FLRT2: variants seen among roughly 807,000 people sequenced by gnomAD.
FLRT2 encodes fibronectin leucine rich transmembrane protein 2, also known as leucine-rich repeat transmembrane protein FLRT2.
Under a neutral mutation model 40.0 loss-of-function variants are expected in FLRT2, and 15 were observed. That is an observed-to-expected ratio of 0.38 (90% CI 0.25 to 0.58). The LOEUF is 0.58. FLRT2 is among the 20% of genes least tolerant of loss of function. The probability of loss-of-function intolerance (pLI) is 0.71; values close to 1 mark genes in which losing one functional copy is unlikely to be tolerated. For missense variants in FLRT2, 726 were observed against 840.0 expected, an observed-to-expected ratio of 0.86 and a Z score of 1.68; for synonymous variants, 380 against 336.8, an observed-to-expected ratio of 1.13 and a Z score of -1.41.
rs546304875 is a variant in FLRT2, at chr14:85,571,357, A to G, written c.-377+40823A>G. 5.5e-4 allele frequency among the ~76,000 whole-genome samples: 84 copies of G among 152,338 alleles called. No individual in the cohort carries two copies. The Middle Eastern group carries it at 0.01, about 19-fold the overall frequency. ...TGTGGGGTGGGGAGAATATTGAATT[A>G]TTAGGTGGTCAAATAATGTATAATA... On this transcript the variant is annotated intron_variant, in intron 1 of 1. Coordinates refer to ENST00000330753, the MANE Select transcript of FLRT2 (RefSeq NM_013231.6).
intron 1 of FLRT2, among the ~76,000 whole-genome samples, chr14:85,569,379 C>T (rs895148832): frequency 1.1e-4 from 17 of 152,284 alleles, no homozygotes; most frequent in Admixed American, 8.5e-4. Context: ...ACCAGGAAAC[C>T]GTACCAGGAG....
chr14:85,642,431 A>G lies in FLRT2; in HGVS notation c.*18934A>G, dbSNP rs1894171234. 6.6e-6 allele frequency: 1 copy of G among 152,210 alleles called. No individual in the cohort carries two copies. The highest frequency in any genetic ancestry group is 2.1e-4 in the South Asian group (1 of 4,836). The allele number at this position is 152,210 out of a possible 1,614,324, so 9.4% of individuals were successfully genotyped here. ...TGGGGAGAACTAACTTACCTGAGGT[A>G]ACTAATGTAAAATAGCTTGTTCTGA... On this transcript the variant is annotated 3_prime_UTR_variant, in exon 2 of 2. Transcript: ENST00000330753.
chr14:85,587,040 C>T (rs1315345245), intron 1 of FLRT2, among the ~76,000 whole-genome samples: 2 of 152,146 alleles, frequency 1.3e-5, no homozygotes, highest in African/African-American at 4.8e-5. Context: ...TTATATATTA[C>T]TTTCTACAAC....
At position 85,623,448 on chromosome 14, in the gene FLRT2, T is replaced by C; in HGVS notation, c.1934T>C (p.Met645Thr). 1.4e-6 allele frequency: 2 copies of C among 1,469,920 alleles called. No individual in the cohort carries two copies. Among genetic ancestry groups the C allele is most frequent in the Non-Finnish European group, 1.8e-6 (2 of 1,112,178 alleles). The allele number at this position is 1,469,920 out of a possible 1,614,324, so 91.1% of individuals were successfully genotyped here. A position where few individuals can be genotyped will look rare whatever the true frequency, so the allele number is the denominator to read the frequency against. Residue 645 changes from methionine to threonine, a missense_variant, in exon 2 of 2, where the codon ATG becomes ACG. Transcript: ENST00000330753. ...ACAGACTGCCATATCCCCAACAACA[T>C]GCGATACTGCAACAGCAGCGTGCCA... ...NYTDCHIPNNMRYCNSSVPDL... is the reference protein window; with the variant it reads ...NYTDCHIPNNTRYCNSSVPDL...
intron 1 of FLRT2, among the ~76,000 whole-genome samples, chr14:85,555,353 A>G (rs893842514): frequency 6.6e-6 from 1 of 152,202 alleles, no homozygotes; most frequent in Non-Finnish European, 1.5e-5. Flanking sequence ...ATTTATAAAG[A>G]AAAAGAGGCT....
rs891862287 is a variant in FLRT2 at position 85,651,302 on chromosome 14, T to C, written c.*27805T>C. On this transcript the variant is annotated 3_prime_UTR_variant, in exon 2 of 2. Transcript: ENST00000330753. The stretch of plus-strand genomic sequence containing the variant: ...GTGTGTGTGTGTGTATTTGTTGTGA[T>C]TTGTTTTTATGTTTTAGCAATTTGG... The C allele has an allele frequency of 4.0e-5, 6 of 151,826 alleles. No individual in the cohort carries two copies. Among genetic ancestry groups the C allele is most frequent in the Non-Finnish European group, 7.4e-5 (5 of 67,868 alleles). 9.4% of individuals were successfully genotyped at this position (151,826 alleles called of 1,614,324 possible). A position where few individuals can be genotyped will look rare whatever the true frequency, so the allele number is the denominator to read the frequency against.
Position 85,631,487 on chromosome 14 carries a change from T to C in FLRT2, c.*7990T>C, listed in dbSNP as rs2139385694. Reference sequence around the variant, plus strand: ...AGTGTTAAGAGCCATGCCCAGGCCCTGGTGGGTGCCCAGCTACAGGGGAAG... The same window carrying C: ...AGTGTTAAGAGCCATGCCCAGGCCCCGGTGGGTGCCCAGCTACAGGGGAAG... On this transcript the variant is annotated 3_prime_UTR_variant, in exon 2 of 2. Transcript: ENST00000330753. 1 of 152,276 alleles carries C rather than the reference T, an allele frequency of 6.6e-6. No individual in the cohort carries two copies. Among genetic ancestry groups the C allele is most frequent in the South Asian group, 2.1e-4 (1 of 4,824 alleles). 9.4% of individuals were successfully genotyped at this position (152,276 alleles called of 1,614,324 possible).
intron 1 of FLRT2, among the ~76,000 whole-genome samples, chr14:85,618,246 A>G (rs1268173367): frequency 1.3e-5 from 2 of 152,206 alleles, no homozygotes; most frequent in Non-Finnish European, 2.9e-5. Flanking sequence ...GGCCTATAAG[A>G]CAATGTAGAA....
Position 85,654,212 on chromosome 14 carries a change from G to A in FLRT2, c.*30715G>A, listed in dbSNP as rs1894497103. 1 of 152,066 alleles carries A rather than the reference G, an allele frequency of 6.6e-6. No homozygotes were observed. The highest frequency in any genetic ancestry group is 2.1e-4 in the South Asian group (1 of 4,810). 9.4% of individuals were successfully genotyped at this position (152,066 alleles called of 1,614,324 possible). ...GTGATTTGTTTATGACTAACAGCAT[G>A]GATTTGAGACAGTTATGAAAATGCC... On this transcript the variant is annotated 3_prime_UTR_variant, in exon 2 of 2. Transcript: ENST00000330753.
intron 1 of FLRT2, among the ~76,000 whole-genome samples, chr14:85,588,698 A>G (rs1031539478): frequency 6.6e-6 from 1 of 152,088 alleles, no homozygotes; most frequent in South Asian, 2.1e-4. Flanking sequence ...GTGCTGTCAA[A>G]TAGGTCTTAT....
chr14:85,595,049 G>A (rs1276094255), intron 1 of FLRT2, among the ~76,000 whole-genome samples: 1 of 152,130 alleles, frequency 6.6e-6, no homozygotes, highest in African/African-American at 2.4e-5. Flanking sequence ...AGGCTGAGGG[G>A]GAGGAGGAAG....
Position 85,566,742 on chromosome 14 carries a change from C to A in FLRT2, c.-377+36208C>A, listed in dbSNP as rs544934569. Among the ~76,000 whole-genome samples the A allele has an allele frequency of 5.4e-5, 8 of 148,080 alleles. No homozygotes were observed. The East Asian group carries it at 9.9e-4, about 18-fold the overall frequency. ...TGTCATCTCGTGGCTGAAAAATAGTCTCAGTGTTGGATACTATGAAATCTT... is the reference window on the plus strand; with the variant it reads ...TGTCATCTCGTGGCTGAAAAATAGTATCAGTGTTGGATACTATGAAATCTT... On this transcript the variant is annotated intron_variant, in intron 1 of 1. Coordinates refer to ENST00000330753, the MANE Select transcript of FLRT2 (RefSeq NM_013231.6).
chr14:85,566,981 G>C (rs558930954), intron 1 of FLRT2, among the ~76,000 whole-genome samples: 1 of 152,114 alleles, frequency 6.6e-6, no homozygotes, highest in East Asian at 1.9e-4. Flanking sequence ...AGTTTCCATG[G>C]GTCACACAAA....
intron 1 of FLRT2, among the ~76,000 whole-genome samples, chr14:85,598,765 A>G (rs931948418): frequency 2.6e-5 from 4 of 152,188 alleles, no homozygotes; most frequent in African/African-American, 9.6e-5. Context: ...TGACAGAACT[A>G]AGACAAAGAT....
intron 1 of FLRT2, among the ~76,000 whole-genome samples, chr14:85,531,753 A>C (rs965913705): frequency 6.6e-6 from 1 of 152,142 alleles, no homozygotes; most frequent in African/African-American, 2.4e-5. Flanking sequence ...TATTAGTCAC[A>C]TACTGTGGGG....
intron 1 of FLRT2, among the ~76,000 whole-genome samples, chr14:85,609,594 C>T (rs567089245): frequency 2.0e-5 from 3 of 152,294 alleles, no homozygotes; most frequent in African/African-American, 4.8e-5. Context: ...TGAGTCCCCC[C>T]AAAAGACAAA....
intron 1 of FLRT2, among the ~76,000 whole-genome samples, chr14:85,587,924 G>A (rs1293840442): frequency 6.7e-6 from 1 of 148,658 alleles, no homozygotes; most frequent in Non-Finnish European, 1.5e-5. Context: ...TTTTATTTCA[G>A]CTTCTTTTTT....
At chr14:85,536,532 G>A (rs955784607) in intron 1 of FLRT2, among the ~76,000 whole-genome samples, 1 of 151,958 alleles carries the variant, frequency 6.6e-6, no homozygotes, top group Non-Finnish European at 1.5e-5. Context: ...ATTTCAATTC[G>A]AGTTCCTTTT....
chr14:85,537,287 A>G (rs534465876), intron 1 of FLRT2, among the ~76,000 whole-genome samples: 410 of 152,244 alleles, frequency 2.7e-3, no homozygotes, highest in Admixed American at 4.3e-3. Context: ...GGTGGATACC[A>G]TTATCTGACA....
Sources: allele counts gnomAD v4.1 joint callset (sites outside exome capture counted in the v4.1 genomes callset), GRCh38; gene constraint gnomAD v4.1.1; transcripts MANE v1.5; gene names NCBI Gene and HGNC (gene_info 2026-07-23, HGNC 2026-07-21).